FAH: variants seen among roughly 807,000 people sequenced by gnomAD.
FAH encodes fumarylacetoacetate hydrolase.
A neutral mutation model predicts 55.8 loss-of-function variants in FAH; 47 were observed. The observed-to-expected ratio is 0.84, with a 90% confidence interval of 0.67 to 1.07. The LOEUF (loss-of-function observed/expected upper bound fraction) is 1.07. Among genes scored for constraint, FAH ranks in the 50% least tolerant of loss-of-function variants. FAH has a pLI of 0.00. For missense variants in FAH, 495 were observed against 545.9 expected, an observed-to-expected ratio of 0.91 and a Z score of 0.93; for synonymous variants, 199 against 207.7, an observed-to-expected ratio of 0.96 and a Z score of 0.36.
At position 80,178,129 on chromosome 15, in the gene FAH, G is replaced by A. The variant is rs2041299260; in HGVS notation, c.960+546G>A. ...GCAGGAGGATCGCTTGAGCCCAGGA[G>A]GTCGAGGCTGCAGTGAGCCATGATC... On this transcript the variant is annotated intron_variant, in intron 11 of 13. Coordinates refer to ENST00000561421, the MANE Select transcript of FAH (RefSeq NM_000137.4). Among the ~76,000 whole-genome samples the A allele has an allele frequency of 6.6e-5, 10 of 152,284 alleles. No individual in the cohort carries two copies. The South Asian group carries it at 2.1e-3, about 32-fold the overall frequency.
intron 11 of FAH, 55 bp from the exon 12 acceptor site, chr15:80,180,069 G>C: frequency 7.1e-7 from 1 of 1,415,988 alleles, no homozygotes; most frequent in East Asian, 2.3e-5. Context: ...GCTGCCTCCG[G>C]GATGCTAGGC....
rs1168217871 is a variant in FAH at position 80,174,919 on chromosome 15, G to A, written c.838-97G>A. 5 of 927,180 alleles carry A rather than the reference G, an allele frequency of 5.4e-6. No homozygotes were observed. In the African/African-American group the frequency reaches 6.5e-5, roughly 12 times the overall value. The allele number at this position is 927,180 out of a possible 1,614,324, so 57.4% of individuals were successfully genotyped here. ...GCTGTCTCAGACCCTCTGCCTAGGGGAGCAGGTGCTGCTGGGGGCCTGGCT... is the reference window on the plus strand; with the variant it reads ...GCTGTCTCAGACCCTCTGCCTAGGGAAGCAGGTGCTGCTGGGGGCCTGGCT... On this transcript the variant is annotated intron_variant, in intron 9 of 13. Coordinates refer to ENST00000561421, the MANE Select transcript of FAH (RefSeq NM_000137.4).
At chr15:80,168,225 C>G (rs1449553980) in intron 6 of FAH, 39 bp from the exon 7 acceptor site, 3 of 1,607,626 alleles carry the variant, frequency 1.9e-6, no homozygotes, top group Non-Finnish European at 2.5e-6. Flanking sequence ...TGGCCTCACT[C>G]ACAGCACCGT....
intron 5 of FAH, 148 bp from the exon 6 acceptor site, chr15:80,167,904 A>G (rs1040162983): frequency 5.8e-6 from 4 of 689,392 alleles, no homozygotes; most frequent in Admixed American, 4.2e-5. Flanking sequence ...TTATCCATTC[A>G]TCTGTGGATG....
chr15:80,170,545 CTA>C (rs1256273330), intron 7 of FAH, among the ~76,000 whole-genome samples: 1 of 152,242 alleles, frequency 6.6e-6, no homozygotes, highest in African/African-American at 2.4e-5. Context: ...AGCAAGGGTA[CTA>C]TGTGAGACTG....
chr15:80,182,957 G>A (rs1189960648), intron 13 of FAH, among the ~76,000 whole-genome samples: 3 of 152,250 alleles, frequency 2.0e-5, no homozygotes, highest in African/African-American at 7.2e-5. Flanking sequence ...AAGGGCCCCT[G>A]ACTAAGCCAT....
rs952633159 is a variant in FAH at position 80,174,961 on chromosome 15, C to T, written c.838-55C>T. 62 of 1,529,428 alleles carry T rather than the reference C, an allele frequency of 4.1e-5. No individual in the cohort carries two copies. In the African/African-American group the frequency reaches 5.1e-4, roughly 12 times the overall value. The allele number at this position is 1,529,428 out of a possible 1,614,324, so 94.7% of individuals were successfully genotyped here. ...GGCCTGGCTGGTATGGGGGCCCAGC[C>T]GGGTGAGCTCAGCCCACCTGCCAGT... On this transcript the variant is annotated intron_variant, in intron 9 of 13. Coordinates refer to ENST00000561421, the MANE Select transcript of FAH (RefSeq NM_000137.4).
intron 13 of FAH, among the ~76,000 whole-genome samples, chr15:80,185,262 G>C (rs995405510): frequency 6.6e-6 from 1 of 152,158 alleles, no homozygotes; most frequent in African/African-American, 2.4e-5. Flanking sequence ...ATTTCAAATA[G>C]GGACTGGAGG....
intron 7 of FAH, among the ~76,000 whole-genome samples, chr15:80,168,791 C>T (rs773308307): frequency 2.0e-5 from 3 of 152,144 alleles, no homozygotes; most frequent in East Asian, 1.9e-4. Flanking sequence ...GCTAAAGTGC[C>T]GTCTAGTGTC....
intron 13 of FAH, 68 bp downstream of exon 13, chr15:80,181,227 C>T (rs776249191): frequency 3.8e-5 from 43 of 1,119,146 alleles, no homozygotes; most frequent in South Asian, 9.9e-5. Flanking sequence ...AGCTGCGGGG[C>T]GCTCCTACCT....
chr15:80,185,548 T>G (rs1372729985), intron 13 of FAH, among the ~76,000 whole-genome samples: 1 of 152,148 alleles, frequency 6.6e-6, no homozygotes, highest in East Asian at 1.9e-4. Context: ...TTCCTGAGAC[T>G]GGGTAATTCA....
chr15:80,157,481 G>T (rs565643950), intron 1 of FAH: 311 of 165,958 alleles, frequency 1.9e-3, no homozygotes, highest in African/African-American at 7.1e-3. Context: ...TTGATGCTGG[G>T]ATTTTGTGGT....
At chr15:80,171,125 G>T (rs1217768048) in intron 7 of FAH, among the ~76,000 whole-genome samples, 2 of 150,286 alleles carry the variant, frequency 1.3e-5, no homozygotes, top group Non-Finnish European at 3.0e-5. Context: ...TTAAGTTTTA[G>T]GGTACATGTG....
At chr15:80,153,497 G>T (rs1275525057) in intron 1 of FAH, among the ~76,000 whole-genome samples, 2 of 152,138 alleles carry the variant, frequency 1.3e-5, no homozygotes, top group African/African-American at 4.8e-5. Context: ...TGTTTCTCTC[G>T]CCCAAGAGGC....
At chr15:80,165,030 GT>G (rs1389913390) in intron 5 of FAH, among the ~76,000 whole-genome samples, 4 of 152,126 alleles carry the variant, frequency 2.6e-5, no homozygotes, top group African/African-American at 9.7e-5. Context: ...TACAAAATAA[GT>G]TTTTTGGGGT....
intron 13 of FAH, among the ~76,000 whole-genome samples, chr15:80,182,661 C>T (rs1356359094): frequency 6.6e-6 from 1 of 152,186 alleles, no homozygotes; most frequent in Non-Finnish European, 1.5e-5. Context: ...GATATAATAT[C>T]ATTGCCCCCA....
chr15:80,178,268 T>A (rs1162951536), intron 11 of FAH, among the ~76,000 whole-genome samples: 2 of 152,104 alleles, frequency 1.3e-5, no homozygotes, highest in Non-Finnish European at 2.9e-5. Flanking sequence ...AAAATGAACA[T>A]CCCTGTGCAA....
intron 5 of FAH, chr15:80,162,587 C>T (rs1190422707): frequency 2.0e-5 from 11 of 554,646 alleles, no homozygotes; most frequent in Middle Eastern, 4.8e-4. Context: ...ATTAGATTCC[C>T]TTAATCCCTA....
intron 5 of FAH, among the ~76,000 whole-genome samples, chr15:80,164,144 G>A (rs1423313073): frequency 6.6e-6 from 1 of 152,204 alleles, no homozygotes; most frequent in Non-Finnish European, 1.5e-5. Context: ...TAGTTCCGGA[G>A]GCCAGAAGTC....
Sources: allele counts gnomAD v4.1 joint callset (sites outside exome capture counted in the v4.1 genomes callset), GRCh38; gene constraint gnomAD v4.1.1; transcripts MANE v1.5; gene names NCBI Gene and HGNC (gene_info 2026-07-23, HGNC 2026-07-21).